Variants in NDC1 observed in about 807,000 individuals in gnomAD.
NDC1 encodes the protein nucleoporin NDC1.
In NDC1, 24 loss-of-function variants were observed where a neutral mutation model predicts 89.8. The ratio of observed to expected loss-of-function variants is 0.27; its 90% CI spans 0.19 to 0.38. The LOEUF is 0.38. NDC1 is among the 10% of genes least tolerant of loss of function. The pLI is 1.00. For synonymous variants in NDC1, 296 were observed against 284.8 expected, an observed-to-expected ratio of 1.04 and a Z score of -0.39; for missense variants, 728 against 797.6, an observed-to-expected ratio of 0.91 and a Z score of 1.05.
intron 5 of NDC1, among the ~76,000 whole-genome samples, chr1:53,820,196 A>G (rs1648617778): frequency 6.6e-6 from 1 of 152,068 alleles, no homozygotes; most frequent in African/African-American, 2.4e-5. Flanking sequence ...CAGAGGTTGC[A>G]GTAAGCCAAG....
chr1:53,782,985 T>C (rs1413838748), intron 16 of NDC1, among the ~76,000 whole-genome samples: 1 of 152,210 alleles, frequency 6.6e-6, no homozygotes, highest in Non-Finnish European at 1.5e-5. Context: ...TTTCTAATCC[T>C]AAGCACTTTA....
intron 16 of NDC1, among the ~76,000 whole-genome samples, chr1:53,784,579 T>C (rs1005030569): frequency 6.6e-6 from 1 of 152,158 alleles, no homozygotes; most frequent in African/African-American, 2.4e-5. Context: ...GATCACGAGG[T>C]CAGGAGATCA....
chr1:53,834,444 A>G (rs1448030883), intron 2 of NDC1, among the ~76,000 whole-genome samples: 1 of 152,262 alleles, frequency 6.6e-6, no homozygotes, highest in Non-Finnish European at 1.5e-5. Context: ...CGTCAACAAG[A>G]AACTTAACAC....
intron 9 of NDC1, among the ~76,000 whole-genome samples, chr1:53,805,255 G>C (rs956634866): frequency 6.6e-6 from 1 of 152,200 alleles, no homozygotes; most frequent in Admixed American, 6.5e-5. Context: ...GCAGGCTAGA[G>C]TGCAGTGGCA....
At position 53,832,656 on chromosome 1, in the gene NDC1, C is replaced by A. The variant is rs530776326; in HGVS notation, c.179-65G>T. ...TCATGTAGTCACGTTCAGGACACTG[C>A]AATATAAAAAGAGCTTGAACCACAA... On this transcript the variant is annotated intron_variant, in intron 2 of 17. Coordinates refer to ENST00000371429, the MANE Select transcript of NDC1 (RefSeq NM_018087.5). The A allele has an allele frequency of 3.5e-5, 27 of 780,866 alleles. No homozygotes were observed. The South Asian group carries it at 4.3e-4, about 12-fold the overall frequency. The allele number at this position is 780,866 out of a possible 1,614,324, so 48.4% of individuals were successfully genotyped here.
At chr1:53,780,001 C>T (rs895576014) in intron 16 of NDC1, among the ~76,000 whole-genome samples, 1 of 152,140 alleles carries the variant, frequency 6.6e-6, no homozygotes, top group African/African-American at 2.4e-5. Context: ...ATCTCTCTAT[C>T]CCCTACTTGC....
chr1:53,777,529 C>T (rs1378451795), intron 16 of NDC1, among the ~76,000 whole-genome samples: 5 of 152,060 alleles, frequency 3.3e-5, no homozygotes, highest in Admixed American at 2.0e-4. Flanking sequence ...GTGTCCTTAA[C>T]CCCTCTCTAG....
chr1:53,809,837 C>T (rs1332687392), intron 6 of NDC1, 91 bp from the exon 7 acceptor site: 10 of 892,180 alleles, frequency 1.1e-5, no homozygotes, highest in Middle Eastern at 2.2e-4. Context: ...GACATGGCCA[C>T]ACAGACACCA....
In NDC1 at chr1:53,833,722, T is replaced by A. The variant is rs544928611; in HGVS notation, c.179-1131A>T. 9.2e-5 allele frequency among the ~76,000 whole-genome samples: 14 copies of A among 151,942 alleles called. No homozygotes were observed. In the East Asian group the frequency reaches 2.1e-3, roughly 23 times the overall value. ...CGATATTCCATCTCAAAGTTTAAAA[T>A]ATATATATATAATGCCTAAAAATAT... On this transcript the variant is annotated intron_variant, in intron 2 of 17. Transcript: ENST00000371429.
chr1:53,787,009 A>G, intron 16 of NDC1, 149 bp downstream of exon 16: 1 of 558,776 alleles, frequency 1.8e-6, no homozygotes, highest in South Asian at 2.7e-5. Context: ...TGTCTTTTAG[A>G]TTGTAATTTC....
chr1:53,780,908 G>A (rs1431213955), intron 16 of NDC1, among the ~76,000 whole-genome samples: 3 of 151,126 alleles, frequency 2.0e-5, no homozygotes, highest in Non-Finnish European at 4.4e-5. Flanking sequence ...TGCCCAGCCT[G>A]GAGTACAGTC....
intron 2 of NDC1, 51 bp from the exon 3 acceptor site, chr1:53,832,642 C>T (rs12744846): frequency 0.035 from 30,570 of 885,210 alleles, 687 homozygotes; most frequent in Non-Finnish European, 0.045. Flanking sequence ...CATGTAGTCA[C>T]GTTCAGGACA....
intron 6 of NDC1, among the ~76,000 whole-genome samples, chr1:53,810,611 A>G (rs1422563034): frequency 1.3e-5 from 2 of 152,318 alleles, no homozygotes; most frequent in African/African-American, 4.8e-5. Flanking sequence ...GTAGGTCAAT[A>G]CATTGCAATG....
At chr1:53,772,240 CA>C in intron 17 of NDC1, 88 bp downstream of exon 17, 1 of 1,156,162 alleles carries the variant, frequency 8.6e-7, no homozygotes, top group East Asian at 2.4e-5. Flanking sequence ...AGAACACTTT[CA>C]ACACATGAGC....
At chr1:53,831,566 C>T (rs1020111657) in intron 3 of NDC1, among the ~76,000 whole-genome samples, 5 of 149,948 alleles carry the variant, frequency 3.3e-5, no homozygotes, top group African/African-American at 7.4e-5. Context: ...CCAGCTACTC[C>T]GGAGGCTGAG....
intron 8 of NDC1, 53 bp downstream of exon 8, chr1:53,807,603 C>A: frequency 6.7e-7 from 1 of 1,499,852 alleles, no homozygotes; most frequent in South Asian, 1.3e-5. Flanking sequence ...TAAAAATCAA[C>A]TGTGCACTCC....
At chr1:53,770,718 G>C (rs1389316934) in intron 17 of NDC1, among the ~76,000 whole-genome samples, 1 of 150,402 alleles carries the variant, frequency 6.6e-6, no homozygotes, top group Non-Finnish European at 1.5e-5. Flanking sequence ...ACAGAGGCAC[G>C]ATCTCGGCTC....
At chr1:53,769,037 G>C (rs1399881994) in intron 17 of NDC1, among the ~76,000 whole-genome samples, 2 of 152,176 alleles carry the variant, frequency 1.3e-5, no homozygotes, top group Non-Finnish European at 1.5e-5. Context: ...TATGGGCCAG[G>C]CATGGTGGTT....
chr1:53,809,008 C>T (rs181667683), intron 7 of NDC1, among the ~76,000 whole-genome samples: 1 of 152,260 alleles, frequency 6.6e-6, no homozygotes, highest in Admixed American at 6.5e-5. Flanking sequence ...CAGATTAAAC[C>T]TTTATGTGCA....
Sources: allele counts gnomAD v4.1 joint callset (sites outside exome capture counted in the v4.1 genomes callset), GRCh38; gene constraint gnomAD v4.1.1; transcripts MANE v1.5; gene names NCBI Gene and HGNC (gene_info 2026-07-23, HGNC 2026-07-21).